Variants in ATP8A2 observed in about 807,000 individuals in gnomAD.
ATP8A2 encodes the protein ATPase phospholipid transporting 8A2.
A neutral mutation model predicts 165.6 loss-of-function variants in ATP8A2; 100 were observed. The observed-to-expected ratio is 0.60, with a 90% CI of 0.51 to 0.71. The LOEUF (loss-of-function observed/expected upper bound fraction) is 0.71, where lower values mean the gene tolerates loss of function less well. Among genes scored for constraint, ATP8A2 ranks in the 30% least tolerant of loss-of-function variants. The pLI is 0.00. For missense variants in ATP8A2, 1,227 were observed against 1,479.5 expected (o/e 0.83, Z 2.80); for synonymous variants, 543 against 548.8 (o/e 0.99, Z 0.15).
At chr13:25,413,268 CTTTT>C (rs985746364) in intron 1 of ATP8A2, among the ~76,000 whole-genome samples, 1 of 135,274 alleles carries the variant, frequency 7.4e-6, no homozygotes, top group African/African-American at 2.7e-5. Context: ...TTTTCTTTTT[CTTTT>C]TCTTTGTTTT....
At chr13:25,600,309 C>G (rs1238215381) in intron 24 of ATP8A2, among the ~76,000 whole-genome samples, 1 of 152,176 alleles carries the variant, frequency 6.6e-6, no homozygotes. Context: ...CTCTCATTCT[C>G]TCTCTGCCCC....
At chr13:25,647,154 T>A (rs1032213466) in intron 24 of ATP8A2, among the ~76,000 whole-genome samples, 7 of 152,272 alleles carry the variant, frequency 4.6e-5, no homozygotes, top group Non-Finnish European at 4.4e-5. Context: ...CCTTATGCAC[T>A]GCCATTACAG....
chr13:25,941,881 A>G (rs1242032184), intron 33 of ATP8A2, among the ~76,000 whole-genome samples: 1 of 152,190 alleles, frequency 6.6e-6, no homozygotes, highest in African/African-American at 2.4e-5. Flanking sequence ...TAAAATGCTG[A>G]CCACATTATA....
intron 1 of ATP8A2, among the ~76,000 whole-genome samples, chr13:25,460,842 G>A (rs1261450939): frequency 6.6e-6 from 1 of 152,150 alleles, no homozygotes; most frequent in Non-Finnish European, 1.5e-5. Flanking sequence ...TATTTCAAAT[G>A]GCTTCCTGAA....
intron 35 of ATP8A2, among the ~76,000 whole-genome samples, chr13:26,002,908 T>TGTGTG (rs1956664765): frequency 7.0e-6 from 1 of 142,352 alleles, no homozygotes; most frequent in African/African-American, 2.6e-5. Flanking sequence ...GTACCACAGT[T>TGTGTG]TCTTCATCCA....
intron 35 of ATP8A2, among the ~76,000 whole-genome samples, chr13:25,984,623 A>C (rs1956238640): frequency 1.3e-5 from 2 of 151,826 alleles, no homozygotes; most frequent in Non-Finnish European, 2.9e-5. Flanking sequence ...AACAAAAACA[A>C]CAAACAAAAA....
chr13:25,469,704 A>T (rs1469302461), intron 2 of ATP8A2, among the ~76,000 whole-genome samples: 1 of 152,214 alleles, frequency 6.6e-6, no homozygotes, highest in African/African-American at 2.4e-5. Context: ...ATAGCAGCTT[A>T]GTGAATCTTC....
At chr13:25,815,177 C>T (rs141973770) in intron 27 of ATP8A2, among the ~76,000 whole-genome samples, 131 of 152,102 alleles carry the variant, frequency 8.6e-4, no homozygotes, top group African/African-American at 2.9e-3. Context: ...ATATAGGCAA[C>T]AACACCAAAA....
intron 16 of ATP8A2, among the ~76,000 whole-genome samples, chr13:25,569,906 C>T (rs889039804): frequency 6.6e-6 from 1 of 152,042 alleles, no homozygotes; most frequent in Non-Finnish European, 1.5e-5. Flanking sequence ...AATTTTTGAG[C>T]AAATAAAATA....
chr13:25,530,702 A>T, intron 4 of ATP8A2, 42 bp downstream of exon 4: 1 of 1,207,878 alleles, frequency 8.3e-7, no homozygotes, highest in Non-Finnish European at 1.2e-6. Flanking sequence ...TGTATGCAGT[A>T]GATAATAACT....
chr13:25,475,536 TA>T (rs2035970044), intron 2 of ATP8A2, among the ~76,000 whole-genome samples: 1 of 152,246 alleles, frequency 6.6e-6, no homozygotes, highest in Admixed American at 6.5e-5. Flanking sequence ...GTATACCCAG[TA>T]ATGGGATTGC....
At chr13:25,855,763 G>A (rs1383825942) in intron 30 of ATP8A2, among the ~76,000 whole-genome samples, 7 of 152,204 alleles carry the variant, frequency 4.6e-5, no homozygotes, top group East Asian at 1.9e-4. Flanking sequence ...GGTTTGCACC[G>A]TTTTACTTTC....
rs759548943 is a variant in ATP8A2 at position 25,579,870 on chromosome 13, A to G, written c.1930A>G (p.Lys644Glu). Residue 644 changes from lysine (K) to glutamate (E), a missense_variant, in exon 22 of 37, where the codon AAA becomes GAA. Physicochemically the swap from Lys to Glu is moderately conservative, Grantham distance 56. Transcript: ENST00000381655. ...LSENEYEEWLKVYQEASTILK... is the reference protein window; with the variant it reads ...LSENEYEEWLEVYQEASTILK... Reference sequence around the variant, plus strand: ...TGAGAATGAGTATGAGGAGTGGCTGAAAGTCTATCAGGAAGCCAGCACCAT... The same window carrying G: ...TGAGAATGAGTATGAGGAGTGGCTGGAAGTCTATCAGGAAGCCAGCACCAT... The G allele has an allele frequency of 6.2e-7, 1 of 1,614,054 alleles. No individual in the cohort carries two copies. Among genetic ancestry groups the G allele is most frequent in the Non-Finnish European group, 8.5e-7 (1 of 1,179,990 alleles).
At chr13:26,007,094 G>A (rs1258107034) in intron 35 of ATP8A2, among the ~76,000 whole-genome samples, 3 of 151,006 alleles carry the variant, frequency 2.0e-5, no homozygotes, top group African/African-American at 7.3e-5. Flanking sequence ...TAAATATTTT[G>A]TTGTGTTTTG....
At chr13:25,429,371 TAAA>T (rs751056483) in intron 1 of ATP8A2, among the ~76,000 whole-genome samples, 3 of 126,048 alleles carry the variant, frequency 2.4e-5, no homozygotes, top group East Asian at 2.0e-4. Flanking sequence ...GACTCCATCT[TAAA>T]AAAAAAAAAA....
At chr13:25,519,279 C>G (rs1336738326) in intron 2 of ATP8A2, among the ~76,000 whole-genome samples, 6 of 152,172 alleles carry the variant, frequency 3.9e-5, no homozygotes, top group African/African-American at 2.4e-5. Context: ...AAATAATCCT[C>G]CTCCCAGCCC....
rs1027953961 is a variant in ATP8A2, at chr13:25,551,362, A to G, written c.916A>G (p.Arg306Gly). Residue 306 changes from arginine (R) to glycine (G), a missense_variant, in exon 11 of 37, where the codon AGA becomes GGA. Physicochemically the swap from Arg to Gly is moderately radical, Grantham distance 125. Coordinates refer to ENST00000381655, the MANE Select transcript of ATP8A2 (RefSeq NM_016529.6). ...GAATTCAACCAAAGCGCCTCTCAAG[A>G]GATCAAATGTTGAGAAGGTGACTAA... ...MQNSTKAPLK[R>G]SNVEKVTNVQ... is the part of the protein sequence containing the mutation. 1.9e-6 allele frequency: 3 copies of G among 1,614,024 alleles called. No individual in the cohort carries two copies. The highest frequency in any genetic ancestry group is 2.7e-5 in the African/African-American group (2 of 75,038).
chr13:25,877,460 C>CA (rs753942268), intron 33 of ATP8A2, among the ~76,000 whole-genome samples: 85 of 152,120 alleles, frequency 5.6e-4, no homozygotes, highest in Non-Finnish European at 1.2e-3. Context: ...GTGACTTCTC[C>CA]ATGTTGTTTT....
intron 10 of ATP8A2, among the ~76,000 whole-genome samples, chr13:25,549,972 A>C (rs2038769361): frequency 6.6e-6 from 1 of 152,082 alleles, no homozygotes; most frequent in Admixed American, 6.6e-5. Flanking sequence ...TTGTTAATTT[A>C]ATTTAATCCC....
Sources: gnomAD v4.1 joint callset for allele counts (sites outside exome capture counted in the v4.1 genomes callset) on GRCh38, gnomAD v4.1.1 for gene constraint, MANE v1.5 for transcripts, NCBI Gene and HGNC (gene_info 2026-07-23, HGNC 2026-07-21) for gene names.